The following DISC1 variants were observed in gnomAD, a reference collection of about 807,000 sequenced individuals.
DISC1 encodes DISC1 scaffold protein.
Under a neutral mutation model 84.5 loss-of-function variants are expected in DISC1, and 57 were observed. The ratio of observed to expected loss-of-function variants is 0.67; its 90% CI spans 0.55 to 0.84. The LOEUF is 0.84. Ranked by LOEUF, DISC1 falls within the 40% of genes least tolerant of loss-of-function variation. DISC1 has a pLI of 0.00. For missense variants in DISC1, 1,000 were observed against 1,057.8 expected (o/e 0.95, Z 0.76); for synonymous variants, 411 against 415.2 (o/e 0.99, Z 0.12).
chr1:231,912,932 TA>T (rs765121665), intron 9 of DISC1, among the ~76,000 whole-genome samples: 6 of 151,402 alleles, frequency 4.0e-5, no homozygotes, highest in Non-Finnish European at 8.8e-5. Flanking sequence ...CTTCTTTTGA[TA>T]GGATCTTGCT....
At chr1:231,724,941 G>T (rs2070409407) in intron 3 of DISC1, among the ~76,000 whole-genome samples, 1 of 152,160 alleles carries the variant, frequency 6.6e-6, no homozygotes, top group African/African-American at 2.4e-5. Context: ...ACAGGATTTG[G>T]TCTACATCCA....
At chr1:231,910,853 G>A (rs1201354498) in intron 9 of DISC1, among the ~76,000 whole-genome samples, 1 of 152,138 alleles carries the variant, frequency 6.6e-6, no homozygotes, top group Non-Finnish European at 1.5e-5. Flanking sequence ...ATGAATCTGG[G>A]TGCTCTTGTA....
At chr1:231,806,631 C>G (rs1046910697) in intron 8 of DISC1, among the ~76,000 whole-genome samples, 3 of 152,136 alleles carry the variant, frequency 2.0e-5, no homozygotes, top group Admixed American at 6.5e-5. Context: ...CTGGGACAAA[C>G]TGAGGTCCTG....
rs183265932 is a variant in DISC1 at position 232,008,994 on chromosome 1, A to C, written c.2252A>C (p.Glu751Ala). 167 of 1,613,902 alleles carry C rather than the reference A, an allele frequency of 1.0e-4. No homozygotes were observed. The highest frequency in any genetic ancestry group is 1.4e-4 in the Non-Finnish European group (161 of 1,179,844). The change falls in exon 11 of 13, where the codon GAA becomes GCA. Residue 751 changes from glutamate to alanine, a missense_variant. Glu to Ala is a moderately radical substitution (Grantham distance 107). Transcript: ENST00000439617. ...KRKTPLKVLE[E>A]WKTHLIPSLH... ...AAGACCCCTTTGAAGGTATTGGAAG[A>C]ATGGAAGACTCACCTCATCCCCTCT...
intron 3 of DISC1, among the ~76,000 whole-genome samples, chr1:231,725,568 T>A (rs1236684098): frequency 6.6e-6 from 1 of 152,220 alleles, no homozygotes; most frequent in Non-Finnish European, 1.5e-5. Context: ...AGAGCCCATA[T>A]GTTGCTGACT....
intron 6 of DISC1, among the ~76,000 whole-genome samples, chr1:231,784,262 CAAAA>C (rs71648875): frequency 1.9e-5 from 2 of 106,130 alleles, no homozygotes; most frequent in Non-Finnish European, 2.1e-5. Flanking sequence ...GACTCCGTCT[CAAAA>C]AAAAAAAAAA....
intron 9 of DISC1, among the ~76,000 whole-genome samples, chr1:231,835,951 A>G (rs201444458): frequency 2.0e-3 from 300 of 152,348 alleles, no homozygotes; most frequent in African/African-American, 6.4e-3. Context: ...CACTCTGTGT[A>G]TTAATATGCA....
chr1:231,948,545 G>GTATA lies in DISC1; in HGVS notation c.1982-10281_1982-10278dup, dbSNP rs112686513. On this transcript the variant is annotated intron_variant, in intron 9 of 12. Coordinates refer to ENST00000439617, the MANE Select transcript of DISC1 (RefSeq NM_018662.3). ...GGTGCAGCAAAACACCGTGGCACGT[G>GTATA]TATATCTATGTAACAAAACTGCATG... Among the ~76,000 whole-genome samples the GTATA allele has an allele frequency of 1.6e-3, 247 of 152,100 alleles. 3 individuals are homozygous for GTATA. The highest frequency in any genetic ancestry group is 5.7e-3 in the African/African-American group (236 of 41,448).
chr1:231,957,407 C>T (rs1182712442), intron 9 of DISC1, among the ~76,000 whole-genome samples: 1 of 152,100 alleles, frequency 6.6e-6, no homozygotes, highest in Admixed American at 6.5e-5. Flanking sequence ...GTCATTACCA[C>T]CTTCTAATGT....
rs185084892 is a variant in DISC1 at position 231,992,245 on chromosome 1, T to C, written c.2043-16540T>C. 3.9e-5 allele frequency among the ~76,000 whole-genome samples: 6 copies of C among 152,348 alleles called. No individual in the cohort carries two copies. The East Asian group carries it at 1.2e-3, about 29-fold the overall frequency. On this transcript the variant is annotated intron_variant, in intron 10 of 12. Coordinates refer to ENST00000439617, the MANE Select transcript of DISC1 (RefSeq NM_018662.3). ...CCTTTAAAACAGCAAACTATACAAC[T>C]CTCAGACCTTTGTCTCCGAATCTGT... is the stretch of plus-strand genomic sequence containing the variant.
chr1:231,699,246 T>C (rs1031953295), intron 2 of DISC1, among the ~76,000 whole-genome samples: 1 of 152,180 alleles, frequency 6.6e-6, no homozygotes, highest in Non-Finnish European at 1.5e-5. Context: ...ACTCTTTCCA[T>C]GTGCCCAAAG....
intron 6 of DISC1, among the ~76,000 whole-genome samples, chr1:231,783,239 A>G (rs934857528): frequency 1.3e-5 from 2 of 152,192 alleles, no homozygotes; most frequent in African/African-American, 4.8e-5. Flanking sequence ...ATTTAAATAC[A>G]TCGTGGTTAT....
At chr1:231,707,415 C>G (rs182711901) in intron 3 of DISC1, among the ~76,000 whole-genome samples, 37 of 152,286 alleles carry the variant, frequency 2.4e-4, no homozygotes, top group Admixed American at 1.3e-4. Flanking sequence ...CTTTCCCTTC[C>G]TTTGCTGTGA....
chr1:231,687,378 A>G (rs10429974), intron 1 of DISC1, among the ~76,000 whole-genome samples: 57,410 of 152,002 alleles, frequency 0.38, 11,263 homozygotes, highest in African/African-American at 0.49. Flanking sequence ...ACATGGTGGC[A>G]GCAAGAGAAA....
At chr1:231,886,773 TTC>T (rs1455152965) in intron 9 of DISC1, among the ~76,000 whole-genome samples, 1 of 53,036 alleles carries the variant, frequency 1.9e-5, no homozygotes, top group Non-Finnish European at 4.3e-5. Context: ...CTTCCTTTCT[TTC>T]TTTCTTTCTT....
intron 9 of DISC1, among the ~76,000 whole-genome samples, chr1:231,823,467 AAG>A (rs1290750191): frequency 2.0e-5 from 3 of 152,202 alleles, no homozygotes; most frequent in African/African-American, 7.2e-5. Flanking sequence ...CACAGCAAAG[AAG>A]ACAGTTGAAG....
At chr1:231,716,139 G>A (rs148283669) in intron 3 of DISC1, among the ~76,000 whole-genome samples, 1,624 of 152,120 alleles carry the variant, frequency 0.011, 14 homozygotes, top group Non-Finnish European at 0.017. Context: ...CCACTTACCC[G>A]CTACCCCCGG....
At chr1:231,849,059 G>A (rs910291253) in intron 9 of DISC1, among the ~76,000 whole-genome samples, 3 of 151,796 alleles carry the variant, frequency 2.0e-5, no homozygotes, top group African/African-American at 7.3e-5. Flanking sequence ...TACCTGCTGA[G>A]CTTCTTGATA....
At chr1:231,991,197 G>A (rs942745040) in intron 10 of DISC1, among the ~76,000 whole-genome samples, 1 of 152,236 alleles carries the variant, frequency 6.6e-6, no homozygotes, top group African/African-American at 2.4e-5. Flanking sequence ...TATTTTGGGT[G>A]AGAGCTTGTT....
Sources: gnomAD v4.1 joint callset for allele counts (sites outside exome capture counted in the v4.1 genomes callset) on GRCh38, gnomAD v4.1.1 for gene constraint, MANE v1.5 for transcripts, NCBI Gene and HGNC (gene_info 2026-07-23, HGNC 2026-07-21) for gene names.